PRKCE: variants seen among roughly 807,000 people sequenced by gnomAD.
PRKCE encodes the protein protein kinase C epsilon type.
Under a neutral mutation model 85.4 loss-of-function variants are expected in PRKCE, and 16 were observed. The ratio of observed to expected loss-of-function variants is 0.19; its 90% CI spans 0.13 to 0.28. The LOEUF (loss-of-function observed/expected upper bound fraction) is 0.28, where lower values mean the gene tolerates loss of function less well. Among genes scored for constraint, PRKCE ranks in the 10% least tolerant of loss-of-function variants. The pLI is 1.00. For missense variants in PRKCE, 573 were observed against 975.2 expected (o/e 0.59, Z 5.49); for synonymous variants, 388 against 371.5 (o/e 1.04, Z -0.51).
At chr2:46,098,567 C>T (rs982148890) in intron 11 of PRKCE, among the ~76,000 whole-genome samples, 5 of 152,136 alleles carry the variant, frequency 3.3e-5, no homozygotes, top group East Asian at 1.9e-4. Context: ...AGTTAGAGGC[C>T]TCCAAACAAG....
chr2:46,169,711 A>G (rs569608289), intron 14 of PRKCE, among the ~76,000 whole-genome samples: 1 of 152,312 alleles, frequency 6.6e-6, no homozygotes, highest in Admixed American at 6.5e-5. Flanking sequence ...AGCAGCTGAC[A>G]TATCAGCTAG....
At position 46,041,796 on chromosome 2, in the gene PRKCE, C is replaced by T. The variant is rs1176292567; in HGVS notation, c.1437+31279C>T. 6.6e-6 allele frequency among the ~76,000 whole-genome samples: 1 copy of T among 152,168 alleles called. No homozygotes were observed. The highest frequency in any genetic ancestry group is 1.9e-4 in the East Asian group (1 of 5,198). ...AAATTCTTTAAGCTGGAGGAATTTG[C>T]CCTAAAACTGTTCTGCACGGCCAAC... is the stretch of plus-strand genomic sequence containing the variant. On this transcript the variant is annotated intron_variant, in intron 10 of 14. Coordinates refer to ENST00000306156, the MANE Select transcript of PRKCE (RefSeq NM_005400.3). This position sits in a 1 kb window ranked among gnomAD's most constrained non-coding sequence, Gnocchi z 5.5.
At chr2:46,151,542 G>A (rs1002566320) in intron 13 of PRKCE, among the ~76,000 whole-genome samples, 3 of 152,154 alleles carry the variant, frequency 2.0e-5, no homozygotes, top group African/African-American at 7.2e-5. Flanking sequence ...GTGTCCTCCA[G>A]CATTTCAGAG....
chr2:45,866,103 A>C (rs999549395), intron 2 of PRKCE, among the ~76,000 whole-genome samples: 1 of 152,020 alleles, frequency 6.6e-6, no homozygotes, highest in Non-Finnish European at 1.5e-5. Flanking sequence ...TACAGGCATG[A>C]GCCACCGTGC....
intron 1 of PRKCE, among the ~76,000 whole-genome samples, chr2:45,699,333 G>T (rs1465086700): frequency 7.2e-5 from 11 of 152,174 alleles, no homozygotes; most frequent in Non-Finnish European, 1.3e-4. Flanking sequence ...TCAGAGTTAA[G>T]ATGCTGAAAT....
chr2:45,678,305 C>G (rs1179741161), intron 1 of PRKCE, among the ~76,000 whole-genome samples: 1 of 151,984 alleles, frequency 6.6e-6, no homozygotes, highest in Non-Finnish European at 1.5e-5. Flanking sequence ...TCAAAGAAAC[C>G]AAAGTTAAGA....
chr2:45,892,051 C>T (rs1241604364), intron 2 of PRKCE, among the ~76,000 whole-genome samples: 1 of 152,246 alleles, frequency 6.6e-6, no homozygotes, highest in Non-Finnish European at 1.5e-5. Context: ...CAGTTGACAC[C>T]TGGCTTCTGT....
chr2:45,849,053 C>T (rs367621105), intron 2 of PRKCE, among the ~76,000 whole-genome samples: 2 of 152,180 alleles, frequency 1.3e-5, no homozygotes, highest in East Asian at 3.9e-4. Flanking sequence ...TAAATAGATG[C>T]AGTGTGAGCT....
rs938789244 is a variant in PRKCE, at chr2:45,903,411, C to T, written c.412+60348C>T. ...GAAGGATTTTGTGTCAATGGTATGGCGTCACCATCCCCATGGGACAGGGTT... is the reference window on the plus strand; with the variant it reads ...GAAGGATTTTGTGTCAATGGTATGGTGTCACCATCCCCATGGGACAGGGTT... On this transcript the variant is annotated intron_variant, in intron 2 of 14. Coordinates refer to ENST00000306156, the MANE Select transcript of PRKCE (RefSeq NM_005400.3). 7.9e-5 allele frequency among the ~76,000 whole-genome samples: 12 copies of T among 152,134 alleles called. No individual in the cohort carries two copies. In the East Asian group the frequency reaches 1.2e-3, roughly 15 times the overall value.
intron 11 of PRKCE, among the ~76,000 whole-genome samples, chr2:46,096,382 C>G (rs1401580352): frequency 1.3e-5 from 2 of 152,184 alleles, no homozygotes; most frequent in African/African-American, 2.4e-5. Context: ...AGTGAATGGA[C>G]TGAATCATGC....
At chr2:45,751,519 G>C (rs1197554187) in intron 1 of PRKCE, among the ~76,000 whole-genome samples, 2 of 152,024 alleles carry the variant, frequency 1.3e-5, no homozygotes, top group African/African-American at 4.8e-5. Context: ...TTTCTCAACA[G>C]TTCCTATGTA....
At chr2:45,810,694 C>T (rs1480512947) in intron 1 of PRKCE, among the ~76,000 whole-genome samples, 2 of 152,216 alleles carry the variant, frequency 1.3e-5, no homozygotes, top group Non-Finnish European at 2.9e-5. Context: ...AGTGATCCTC[C>T]TGCCTCAGCC....
chr2:45,901,543 C>A (rs991704716), intron 2 of PRKCE, among the ~76,000 whole-genome samples: 4 of 152,232 alleles, frequency 2.6e-5, no homozygotes, highest in African/African-American at 9.6e-5. Flanking sequence ...CAGTCTATTT[C>A]ACCTTGGAAA....
intron 1 of PRKCE, among the ~76,000 whole-genome samples, chr2:45,823,587 G>T (rs551701034): frequency 6.6e-6 from 1 of 152,318 alleles, no homozygotes; most frequent in South Asian, 2.1e-4. Context: ...CAAGAAAGTC[G>T]GGGGTAGGGA....
At chr2:46,045,922 G>A (rs1465206837) in intron 10 of PRKCE, among the ~76,000 whole-genome samples, 1 of 152,130 alleles carries the variant, frequency 6.6e-6, no homozygotes, top group Non-Finnish European at 1.5e-5. Flanking sequence ...AAGCATGTTA[G>A]GCTGTAGGTC....
intron 1 of PRKCE, among the ~76,000 whole-genome samples, chr2:45,689,752 C>T (rs1309353943): frequency 6.6e-6 from 1 of 151,710 alleles, no homozygotes; most frequent in Non-Finnish European, 1.5e-5. Context: ...AAAGATTAGC[C>T]AGGCATGGTG....
rs187127875 is a variant in PRKCE at position 46,082,629 on chromosome 2, G to A, written c.1438-3579G>A. The stretch of plus-strand genomic sequence containing the variant: ...CCTCAGCAAGCACTCAGTGAGGATG[G>A]GGAGCATCTGGAGCCCAGCCTCGTG... On this transcript the variant is annotated intron_variant, in intron 10 of 14. Transcript: ENST00000306156. 9.8e-4 allele frequency among the ~76,000 whole-genome samples: 149 copies of A among 152,282 alleles called. 1 individual carries two copies. Among genetic ancestry groups the A allele is most frequent in the African/African-American group, 3.5e-3 (145 of 41,548 alleles).
chr2:46,182,394 T>C (rs1680075535), intron 14 of PRKCE, among the ~76,000 whole-genome samples: 1 of 152,112 alleles, frequency 6.6e-6, no homozygotes, highest in Admixed American at 6.5e-5. Flanking sequence ...CTCCTTTTCC[T>C]CTTGTTCTGT....
intron 2 of PRKCE, among the ~76,000 whole-genome samples, chr2:45,896,305 A>G (rs1468269808): frequency 6.6e-6 from 1 of 152,114 alleles, no homozygotes; most frequent in Non-Finnish European, 1.5e-5. Flanking sequence ...AGCTCAGGTG[A>G]CCTTCCACTT....
Sources: allele counts gnomAD v4.1 joint callset (sites outside exome capture counted in the v4.1 genomes callset), GRCh38; gene constraint gnomAD v4.1.1; non-coding constraint Gnocchi (gnomAD v3.1); transcripts MANE v1.5; gene names NCBI Gene and HGNC (gene_info 2026-07-23, HGNC 2026-07-21).